The following FGF2 variants were observed in gnomAD, a reference collection of about 807,000 sequenced individuals.
FGF2 encodes the protein basic fibroblast growth factor bFGF.
Under a neutral mutation model 15.9 loss-of-function variants are expected in FGF2, and 13 were observed. The ratio of observed to expected loss-of-function variants is 0.82; its 90% CI spans 0.53 to 1.30. The LOEUF is 1.30. FGF2 is among the 50% of genes most tolerant of loss of function. The pLI is 0.00. For missense variants in FGF2, 163 were observed against 196.9 expected, an observed-to-expected ratio of 0.83 and a Z score of 1.03; for synonymous variants, 90 against 78.4, an observed-to-expected ratio of 1.15 and a Z score of -0.78.
intron 1 of FGF2, among the ~76,000 whole-genome samples, chr4:122,849,999 C>T (rs754205708): frequency 1.6e-4 from 24 of 152,196 alleles, no homozygotes; most frequent in African/African-American, 3.6e-4. Context: ...CGGTGGCTCA[C>T]GCCTGTAATC....
chr4:122,844,242 C>T (rs1726054427), intron 1 of FGF2, among the ~76,000 whole-genome samples: 1 of 152,208 alleles, frequency 6.6e-6, no homozygotes, highest in Admixed American at 6.5e-5. Context: ...CTTTGTTCTT[C>T]CCTAAGAAGC....
chr4:122,840,245 C>T (rs1248416976), intron 1 of FGF2: 1 of 152,162 alleles, frequency 6.6e-6, no homozygotes, highest in Non-Finnish European at 1.5e-5. Flanking sequence ...GAGTTAATTA[C>T]TCTGTCTAGT....
intron 1 of FGF2, among the ~76,000 whole-genome samples, chr4:122,828,446 G>A (rs1725694287): frequency 1.3e-5 from 2 of 152,188 alleles, no homozygotes; most frequent in Admixed American, 6.5e-5. Context: ...GTGTTATGGC[G>A]TTCCTTCCTT....
At chr4:122,881,548 A>G (rs1288966098) in intron 2 of FGF2, among the ~76,000 whole-genome samples, 1 of 152,202 alleles carries the variant, frequency 6.6e-6, no homozygotes, top group Admixed American at 6.5e-5. Flanking sequence ...TCTCTTTGCT[A>G]AAACATAACA....
intron 1 of FGF2, among the ~76,000 whole-genome samples, chr4:122,849,663 A>G (rs189037684): frequency 6.6e-6 from 1 of 152,284 alleles, no homozygotes; most frequent in East Asian, 1.9e-4. Flanking sequence ...CAGTGTGGGT[A>G]GATACATTTT....
chr4:122,851,114 C>A (rs1726223080), intron 1 of FGF2, among the ~76,000 whole-genome samples: 1 of 152,108 alleles, frequency 6.6e-6, no homozygotes, highest in Admixed American at 6.6e-5. Context: ...ATTATTTCAA[C>A]CTGCTATGTC....
chr4:122,888,575 A>C lies in FGF2; in HGVS notation c.283-3636A>C, dbSNP rs556585454. 7 of 152,304 alleles carry C rather than the reference A, an allele frequency of 4.6e-5. No individual in the cohort carries two copies. The East Asian group carries it at 9.6e-4, about 21-fold the overall frequency. The allele number at this position is 152,304 out of a possible 1,614,324, so 9.4% of individuals were successfully genotyped here. A position where few individuals can be genotyped will look rare whatever the true frequency, so the allele number is the denominator to read the frequency against. On this transcript the variant is annotated intron_variant, in intron 2 of 2. Transcript: ENST00000644866. ...CCTGCTACTCTTCCCACATTGGCCTACTTGCTACCCCTCAAATACTCTGGA... is the reference window on the plus strand; with the variant it reads ...CCTGCTACTCTTCCCACATTGGCCTCCTTGCTACCCCTCAAATACTCTGGA...
intron 1 of FGF2, among the ~76,000 whole-genome samples, chr4:122,848,846 A>G (rs1233198796): frequency 6.6e-6 from 1 of 152,206 alleles, no homozygotes; most frequent in African/African-American, 2.4e-5. Flanking sequence ...GAGGTCCAAG[A>G]TGACACTGAA....
intron 1 of FGF2, among the ~76,000 whole-genome samples, chr4:122,872,111 A>G (rs1726750778): frequency 6.6e-6 from 1 of 151,868 alleles, no homozygotes; most frequent in African/African-American, 2.4e-5. Flanking sequence ...CAATGCAAAG[A>G]CGCTAAGAAC....
intron 1 of FGF2, among the ~76,000 whole-genome samples, chr4:122,831,615 CATGTA>C (rs1725768275): frequency 6.6e-6 from 1 of 152,138 alleles, no homozygotes; most frequent in Non-Finnish European, 1.5e-5. Flanking sequence ...TCTTGGAAAT[CATGTA>C]ATCAGTACAG....
intron 1 of FGF2, among the ~76,000 whole-genome samples, chr4:122,829,129 A>G (rs1458788462): frequency 6.6e-6 from 1 of 152,178 alleles, no homozygotes; most frequent in South Asian, 2.1e-4. Flanking sequence ...GAATAAAACT[A>G]TGTAGAGGTT....
At chr4:122,869,257 A>G (rs1264026849) in intron 1 of FGF2, among the ~76,000 whole-genome samples, 2 of 152,144 alleles carry the variant, frequency 1.3e-5, no homozygotes, top group Non-Finnish European at 2.9e-5. Flanking sequence ...TATAGTTTGA[A>G]GTCAGGTAGT....
chr4:122,858,587 G>A (rs942158709), intron 1 of FGF2, among the ~76,000 whole-genome samples: 1 of 152,012 alleles, frequency 6.6e-6, no homozygotes, highest in Non-Finnish European at 1.5e-5. Flanking sequence ...TAATAGAGAT[G>A]GGGTTTCATC....
intron 1 of FGF2, among the ~76,000 whole-genome samples, chr4:122,850,853 A>G (rs1726216819): frequency 6.6e-6 from 1 of 152,112 alleles, no homozygotes. Flanking sequence ...CTTTTTTGGG[A>G]TGGAAGTGTC....
At chr4:122,845,271 C>T (rs1006484649) in intron 1 of FGF2, among the ~76,000 whole-genome samples, 28 of 152,094 alleles carry the variant, frequency 1.8e-4, no homozygotes, top group African/African-American at 6.8e-4. Flanking sequence ...CTTTGTTATT[C>T]CATTGATAGG....
intron 1 of FGF2, among the ~76,000 whole-genome samples, chr4:122,875,408 C>G (rs1327776802): frequency 1.5e-5 from 2 of 132,180 alleles, no homozygotes; most frequent in African/African-American, 5.0e-5. Flanking sequence ...TGTGTTTCCA[C>G]TAGATAGATA....
At chr4:122,890,124 C>T (rs552979530) in intron 2 of FGF2, 23 of 151,832 alleles carry the variant, frequency 1.5e-4, no homozygotes, top group Admixed American at 6.5e-4. Context: ...TTTCTTTTAT[C>T]AGTGGCAATG....
At chr4:122,847,139 AG>A (rs1321808685) in intron 1 of FGF2, among the ~76,000 whole-genome samples, 69 of 152,394 alleles carry the variant, frequency 4.5e-4, no homozygotes, top group African/African-American at 1.6e-3. Context: ...ATTTGAAAGC[AG>A]TACATTATCT....
chr4:122,838,314 C>T (rs1204163405), intron 1 of FGF2, among the ~76,000 whole-genome samples: 1 of 152,140 alleles, frequency 6.6e-6, no homozygotes, highest in Non-Finnish European at 1.5e-5. Flanking sequence ...TGGCCTTTAC[C>T]ACTGCACTAT....
Sources: allele counts gnomAD v4.1 joint callset (sites outside exome capture counted in the v4.1 genomes callset), GRCh38; gene constraint gnomAD v4.1.1; transcripts MANE v1.5; gene names NCBI Gene and HGNC (gene_info 2026-07-23, HGNC 2026-07-21).